The following ANKRD18B variants were observed in gnomAD, a reference collection of about 807,000 sequenced individuals.
The protein encoded by ANKRD18B is ankyrin repeat domain 18B, also known as ankyrin repeat domain-containing protein 18B.
A neutral mutation model predicts 111.8 loss-of-function variants in ANKRD18B; 75 were observed. The ratio of observed to expected loss-of-function variants is 0.67; its 90% CI spans 0.56 to 0.81. The LOEUF (loss-of-function observed/expected upper bound fraction) is 0.81, where lower values mean the gene tolerates loss of function less well. Among genes scored for constraint, ANKRD18B ranks in the 40% least tolerant of loss-of-function variants. The probability of loss-of-function intolerance (pLI) is 0.00; values close to 1 mark genes in which losing one functional copy is unlikely to be tolerated. For missense variants in ANKRD18B, 1,038 were observed against 1,225.5 expected (o/e 0.85, Z 2.28); for synonymous variants, 356 against 417.3 (o/e 0.85, Z 1.79).
At chr9:33,555,854 T>C (rs1030455148) in intron 13 of ANKRD18B, 34 bp downstream of exon 13, 2 of 1,267,788 alleles carry the variant, frequency 1.6e-6, no homozygotes, top group Admixed American at 7.5e-5. Flanking sequence ...ATTTTAGCCA[T>C]TTAGTAATTG....
rs759124277 is a variant in ANKRD18B, at chr9:33,534,443, A to G, written c.676A>G (p.Ile226Val). 12 of 1,551,284 alleles carry G rather than the reference A, an allele frequency of 7.7e-6. No individual in the cohort carries two copies. In the South Asian group the frequency reaches 1.2e-4, roughly 15 times the overall value. Reference protein sequence around the residue: ...VTLLLQQNIHISSQDMFGQTA... With the variant: ...VTLLLQQNIHVSSQDMFGQTA... Reference sequence around the variant, plus strand: ...CCTCCTGCTTCAACAAAATATACATATCTCTTCTCAAGACATGTTTGGCCA... The same window carrying G: ...CCTCCTGCTTCAACAAAATATACATGTCTCTTCTCAAGACATGTTTGGCCA... Residue 226 changes from isoleucine to valine, a missense_variant, in exon 5 of 19, where the codon ATC becomes GTC. Ile to Val is a conservative substitution (Grantham distance 29). Coordinates refer to ENST00000684830, the MANE Select transcript of ANKRD18B (RefSeq NM_001393611.1).
chr9:33,568,588 G>T (rs747691012), intron 16 of ANKRD18B, 83 bp from the exon 17 acceptor site: 53 of 1,300,692 alleles, frequency 4.1e-5, no homozygotes, highest in Non-Finnish European at 5.0e-5. Flanking sequence ...TACTCTCAGG[G>T]CAACTGTTTA....
intron 14 of ANKRD18B, among the ~76,000 whole-genome samples, chr9:33,559,371 A>G (rs1828573823): frequency 6.6e-6 from 1 of 152,114 alleles, no homozygotes; most frequent in South Asian, 2.1e-4. Context: ...AAAATATGTC[A>G]AAAAATATAT....
At chr9:33,555,943 T>G in intron 13 of ANKRD18B, 123 bp downstream of exon 13, 1 of 711,262 alleles carries the variant, frequency 1.4e-6, no homozygotes, top group Non-Finnish European at 2.0e-6. Context: ...AAATGAATTC[T>G]GTTTTAAAAT....
intron 10 of ANKRD18B, among the ~76,000 whole-genome samples, chr9:33,544,589 G>T (rs1828328518): frequency 6.6e-6 from 1 of 152,184 alleles, no homozygotes; most frequent in Non-Finnish European, 1.5e-5. Flanking sequence ...TGTAATCCCA[G>T]CACTTTGGGA....
chr9:33,554,130 A>G (rs1169676195), intron 12 of ANKRD18B, among the ~76,000 whole-genome samples: 1 of 148,812 alleles, frequency 6.7e-6, no homozygotes, highest in Non-Finnish European at 1.5e-5. Flanking sequence ...TGGCCCAAAA[A>G]AGAAGAAAGA....
chr9:33,566,342 C>T lies in ANKRD18B; in HGVS notation c.2584C>T (p.Leu862Phe), dbSNP rs756317328. Residue 862 changes from leucine to phenylalanine, a missense_variant, in exon 15 of 19, where the codon CTT becomes TTT. By Grantham distance (22) the Leu-to-Phe change is conservative (BLOSUM62 0). This residue lies in a region of ANKRD18B where 524 missense variants were observed against 677.9 expected (regional missense o/e 0.77). Transcript: ENST00000684830. ...MGKVQEKCEK[L>F]EKDKKMLEEK... ...AAAAGTACAAGAGAAATGTGAAAAACTTGAGAAGGATAAAAAGATGTTGGA... is the reference window on the plus strand; with the variant it reads ...AAAAGTACAAGAGAAATGTGAAAAATTTGAGAAGGATAAAAAGATGTTGGA... The T allele has an allele frequency of 5.7e-6, 9 of 1,567,882 alleles. 1 individual carries two copies. Among genetic ancestry groups the T allele is most frequent in the South Asian group, 3.5e-5 (3 of 86,848 alleles).
At chr9:33,549,342 C>A (rs1828414615) in intron 11 of ANKRD18B, among the ~76,000 whole-genome samples, 2 of 152,184 alleles carry the variant, frequency 1.3e-5, no homozygotes, top group South Asian at 4.1e-4. Flanking sequence ...AGTTGCTTTC[C>A]TTTGAGTAAA....
chr9:33,546,050 C>A (rs1169864920), intron 10 of ANKRD18B, among the ~76,000 whole-genome samples: 1 of 152,132 alleles, frequency 6.6e-6, no homozygotes, highest in Non-Finnish European at 1.5e-5. Flanking sequence ...ACCATGTGAC[C>A]TTCTGAACCA....
At position 33,548,307 on chromosome 9, in the gene ANKRD18B, A is replaced by G; in HGVS notation, c.1519A>G (p.Ile507Val). 1.3e-6 allele frequency: 2 copies of G among 1,549,732 alleles called. No homozygotes were observed. Among genetic ancestry groups the G allele is most frequent in the Non-Finnish European group, 1.7e-6 (2 of 1,146,308 alleles). Residue 507 changes from isoleucine to valine, a missense_variant, in exon 11 of 19, where the codon ATT (isoleucine) becomes GTT (valine). Physicochemically the swap from Ile to Val is conservative, Grantham distance 29 (BLOSUM62 3). This residue lies in a region of ANKRD18B where 205 missense variants were observed against 201.3 expected (regional missense o/e 1.02). Coordinates refer to ENST00000684830, the MANE Select transcript of ANKRD18B (RefSeq NM_001393611.1). The stretch of plus-strand genomic sequence containing the variant: ...CACTGCTATAAATGAGTACAATGAA[A>G]TTTTGGAAAGAAAAGACCTAGAACT... ...LATAINEYNE[I>V]LERKDLELVL... is the part of the protein sequence containing the mutation.
At chr9:33,566,952 G>A (rs1828694554) in intron 15 of ANKRD18B, 151 bp from the exon 16 acceptor site, 1 of 705,802 alleles carries the variant, frequency 1.4e-6, no homozygotes. Context: ...TATTAGTTTT[G>A]TTGATATTGC....
rs985729823 is a variant in ANKRD18B at position 33,550,591 on chromosome 9, A to T, written c.2217+12A>T. On this transcript the variant is annotated intron_variant, in intron 12 of 18. Transcript: ENST00000684830. ...AAGTAGAAATTCAAGTATGTATGGA[A>T]TTTAACATGTAGACAGTTAATCTGT... is the stretch of plus-strand genomic sequence containing the variant. 6.5e-7 allele frequency: 1 copy of T among 1,528,096 alleles called. No homozygotes were observed. Among genetic ancestry groups the T allele is most frequent in the African/African-American group, 1.4e-5 (1 of 72,062 alleles). The allele number at this position is 1,528,096 out of a possible 1,614,324, so 94.7% of individuals were successfully genotyped here. A position where few individuals can be genotyped will look rare whatever the true frequency, so the allele number is the denominator to read the frequency against.
intron 12 of ANKRD18B, among the ~76,000 whole-genome samples, chr9:33,551,826 G>T (rs1313196896): frequency 6.6e-6 from 1 of 152,186 alleles, no homozygotes; most frequent in Admixed American, 6.5e-5. Context: ...TGTCCTTCCT[G>T]CCTTCTCAGT....
intron 12 of ANKRD18B, among the ~76,000 whole-genome samples, chr9:33,551,702 T>C (rs1449593709): frequency 1.3e-5 from 2 of 152,142 alleles, no homozygotes; most frequent in Non-Finnish European, 1.5e-5. Context: ...TGAAAACAGC[T>C]GTTGCAAACA....
At chr9:33,530,546 A>C (rs939261381) in intron 3 of ANKRD18B, among the ~76,000 whole-genome samples, 9 of 151,372 alleles carry the variant, frequency 5.9e-5, no homozygotes, top group African/African-American at 1.9e-4. Flanking sequence ...AAAAAAAAAA[A>C]AACCTCAGTG....
At position 33,572,789 on chromosome 9, in the gene ANKRD18B, T is replaced by C; in HGVS notation, c.*355T>C. On this transcript the variant is annotated 3_prime_UTR_variant, in exon 19 of 19. Coordinates refer to ENST00000684830, the MANE Select transcript of ANKRD18B (RefSeq NM_001393611.1). The stretch of plus-strand genomic sequence containing the variant: ...TATCTGCCAGGTTTGTCCATACTAG[T>C]GTTATGATTTTCTTTTTGTAGTTCA... 1 of 951,200 alleles carries C rather than the reference T, an allele frequency of 1.1e-6. No individual in the cohort carries two copies. The highest frequency in any genetic ancestry group is 4.7e-5 in the South Asian group (1 of 21,458). 58.9% of individuals were successfully genotyped at this position (951,200 alleles called of 1,614,324 possible).
intron 12 of ANKRD18B, among the ~76,000 whole-genome samples, chr9:33,554,161 A>G (rs28583493): frequency 1.7e-4 from 17 of 98,638 alleles, no homozygotes; most frequent in Non-Finnish European, 3.1e-4. Context: ...GAAAGAAAGA[A>G]AGAGAGAAAG....
At chr9:33,535,787 T>C (rs1339528993) in intron 5 of ANKRD18B, among the ~76,000 whole-genome samples, 1 of 145,450 alleles carries the variant, frequency 6.9e-6, no homozygotes, top group Non-Finnish European at 1.5e-5. Flanking sequence ...ATAAATATTA[T>C]ATATAATTAT....
At chr9:33,524,889 T>G (rs2117951246) in intron 1 of ANKRD18B, among the ~76,000 whole-genome samples, 194 bp downstream of exon 1, 1 of 152,388 alleles carries the variant, frequency 6.6e-6, no homozygotes, top group Non-Finnish European at 1.5e-5. Context: ...ACTCACAAAG[T>G]TAAGCATATC....
Sources: allele counts gnomAD v4.1 joint callset (sites outside exome capture counted in the v4.1 genomes callset), GRCh38; gene constraint gnomAD v4.1.1; regional missense constraint gnomAD v4.1.1; transcripts MANE v1.5; gene names NCBI Gene and HGNC (gene_info 2026-07-23, HGNC 2026-07-21).